The following PDZRN3 variants were observed in gnomAD, a reference collection of about 807,000 sequenced individuals.
PDZRN3 encodes PDZ domain containing ring finger 3.
Under a neutral mutation model 85.7 loss-of-function variants are expected in PDZRN3, and 38 were observed. That is an observed-to-expected ratio of 0.44 (90% confidence interval 0.34 to 0.58). PDZRN3 has a LOEUF of 0.58. Ranked by LOEUF, PDZRN3 falls within the 20% of genes least tolerant of loss-of-function variation. The pLI, the probability that PDZRN3 is intolerant of heterozygous loss-of-function variation, is 0.01. For missense variants in PDZRN3, 1,629 were observed against 1,506.4 expected (o/e 1.08, Z -1.35); for synonymous variants, 759 against 638.0 (o/e 1.19, Z -2.86).
intron 1 of PDZRN3, among the ~76,000 whole-genome samples, chr3:73,623,414 G>C (rs1208398353): frequency 6.6e-6 from 1 of 152,192 alleles, no homozygotes; most frequent in Non-Finnish European, 1.5e-5. Flanking sequence ...TGAAATCCCT[G>C]GATGAATACC....
chr3:73,403,556 G>C (rs1701795959), intron 4 of PDZRN3, among the ~76,000 whole-genome samples: 1 of 152,152 alleles, frequency 6.6e-6, no homozygotes, highest in Non-Finnish European at 1.5e-5. Flanking sequence ...TGAGCATCAG[G>C]TTTGTCTGAC....
intron 3 of PDZRN3, among the ~76,000 whole-genome samples, chr3:73,510,888 C>T (rs1273464494): frequency 6.6e-6 from 1 of 152,136 alleles, no homozygotes; most frequent in Non-Finnish European, 1.5e-5. Context: ...GTCTCTTTCT[C>T]AAAATACCTT....
In PDZRN3 at chr3:73,509,619, C is replaced by G. The variant is rs140879819; in HGVS notation, c.918+92735G>C. 3.8e-3 allele frequency among the ~76,000 whole-genome samples: 576 copies of G among 152,306 alleles called. 3 individuals are homozygous for G. The highest frequency in any genetic ancestry group is 0.034 in the Middle Eastern group (10 of 294). ...TTGGAGGGCAAGAAGTATCTCTCACCTGAGATCCTGCAGGAAAGTCACAGC... is the reference window on the plus strand; with the variant it reads ...TTGGAGGGCAAGAAGTATCTCTCACGTGAGATCCTGCAGGAAAGTCACAGC... On this transcript the variant is annotated intron_variant, in intron 3 of 9. Transcript: ENST00000263666.
chr3:73,449,382 G>A (rs772085432), intron 3 of PDZRN3, among the ~76,000 whole-genome samples: 7 of 151,880 alleles, frequency 4.6e-5, no homozygotes, highest in Non-Finnish European at 1.0e-4. Flanking sequence ...AAAAAAGAGA[G>A]AGAGGGAAAT....
chr3:73,476,392 A>G (rs1703449095), intron 3 of PDZRN3, among the ~76,000 whole-genome samples: 1 of 152,196 alleles, frequency 6.6e-6, no homozygotes, highest in Non-Finnish European at 1.5e-5. Flanking sequence ...TTCTATCACT[A>G]GACAGCACTA....
At chr3:73,396,910 G>A (rs1018015084) in intron 5 of PDZRN3, among the ~76,000 whole-genome samples, 4 of 152,160 alleles carry the variant, frequency 2.6e-5, no homozygotes, top group Non-Finnish European at 4.4e-5. Context: ...GGTACACTGG[G>A]TGTAATCCCT....
chr3:73,383,354 A>G lies in PDZRN3; in HGVS notation c.*11T>C, dbSNP rs373391957. 25 of 1,590,350 alleles carry G rather than the reference A, an allele frequency of 1.6e-5. No homozygotes were observed. The highest frequency in any genetic ancestry group is 1.0e-4 in the South Asian group (9 of 85,806). On this transcript the variant is annotated 3_prime_UTR_variant, in exon 10 of 10. Coordinates refer to ENST00000263666, the MANE Select transcript of PDZRN3 (RefSeq NM_015009.3). ...GTGGTCTCCTTTATGTACATAATGC[A>G]GAAGTGAAAATTATACAGTAGTCAC...
chr3:73,384,520 G>A lies in PDZRN3; in HGVS notation c.2046C>T (p.Asp682=), dbSNP rs756113835. 2 of 1,613,698 alleles carry A rather than the reference G, an allele frequency of 1.2e-6. No individual in the cohort carries two copies. The highest frequency in any genetic ancestry group is 2.2e-5 in the South Asian group (2 of 91,086). Residue 682 remains aspartate (D), a synonymous_variant, in exon 10 of 10, where the codon GAC becomes GAT. Coordinates refer to ENST00000263666, the MANE Select transcript of PDZRN3 (RefSeq NM_015009.3). ...CTTCGTTCAGCAGCTCCAGCTCCTT[G>A]TCCACGCTCTCAGGGTCACTCTTGC... ...DAGKSDPESV[D]KELELLNEEL... is the part of the protein sequence containing the mutation.
chr3:73,572,584 G>T (rs1042210339), intron 3 of PDZRN3, among the ~76,000 whole-genome samples: 3 of 152,156 alleles, frequency 2.0e-5, no homozygotes, highest in Non-Finnish European at 1.5e-5. Flanking sequence ...GGCTGTCAGG[G>T]TGCATATAAT....
chr3:73,619,214 G>C (rs986374774), intron 1 of PDZRN3, among the ~76,000 whole-genome samples: 1 of 152,146 alleles, frequency 6.6e-6, no homozygotes, highest in Non-Finnish European at 1.5e-5. Flanking sequence ...AACCTGAAAA[G>C]TTTTGATGAC....
intron 3 of PDZRN3, among the ~76,000 whole-genome samples, chr3:73,424,539 CT>C (rs1269849139): frequency 3.3e-5 from 2 of 60,194 alleles, no homozygotes; most frequent in East Asian, 6.0e-4. Context: ...GAGACTCCAT[CT>C]CAAAAAAAAA....
intron 3 of PDZRN3, among the ~76,000 whole-genome samples, chr3:73,528,139 C>T (rs1704568245): frequency 6.6e-6 from 1 of 152,150 alleles, no homozygotes; most frequent in Admixed American, 6.5e-5. Context: ...CTGGATGGCT[C>T]CTTATTACTG....
rs146156453 is a variant in PDZRN3 at position 73,469,777 on chromosome 3, CAA to C, written c.919-65384_919-65383del. 7.2e-3 allele frequency among the ~76,000 whole-genome samples: 1,103 copies of C among 152,180 alleles called. 11 individuals are homozygous for C. The highest frequency in any genetic ancestry group is 0.025 in the African/African-American group (1,040 of 41,524). ...TTTCTTTGCAGGATGGAAATTAAAA[CAA>C]AGTGCTATTTACATGGCACCCATTT... is the stretch of plus-strand genomic sequence containing the variant. On this transcript the variant is annotated intron_variant, in intron 3 of 9. Transcript: ENST00000263666.
intron 3 of PDZRN3, among the ~76,000 whole-genome samples, chr3:73,559,446 C>A (rs367866345): frequency 1.1e-4 from 17 of 152,016 alleles, no homozygotes; most frequent in African/African-American, 3.9e-4. Flanking sequence ...AGAATCCAAA[C>A]AAGAAAACCT....
chr3:73,521,001 A>G (rs1704351107), intron 3 of PDZRN3, among the ~76,000 whole-genome samples: 1 of 152,210 alleles, frequency 6.6e-6, no homozygotes, highest in Non-Finnish European at 1.5e-5. Flanking sequence ...TGTGTTGCAC[A>G]TGGCTTGGAA....
intron 3 of PDZRN3, among the ~76,000 whole-genome samples, chr3:73,431,944 T>G (rs1702439208): frequency 6.6e-6 from 1 of 152,200 alleles, no homozygotes; most frequent in Non-Finnish European, 1.5e-5. Context: ...AGAGATGTAG[T>G]AGAGTTACTT....
intron 3 of PDZRN3, among the ~76,000 whole-genome samples, chr3:73,503,831 T>C (rs1040704229): frequency 2.0e-5 from 3 of 152,186 alleles, no homozygotes; most frequent in South Asian, 2.1e-4. Context: ...TTATACAAAA[T>C]GTATACAAAG....
chr3:73,554,323 T>C (rs1376667915), intron 3 of PDZRN3, among the ~76,000 whole-genome samples: 1 of 150,370 alleles, frequency 6.7e-6, no homozygotes, highest in Non-Finnish European at 1.5e-5. Flanking sequence ...AGAAGGTATA[T>C]AAGAATATCT....
chr3:73,418,904 T>C (rs1702144022), intron 3 of PDZRN3, among the ~76,000 whole-genome samples: 1 of 152,166 alleles, frequency 6.6e-6, no homozygotes, highest in South Asian at 2.1e-4. Context: ...GAAATGACTC[T>C]GGGGACTTGG....
Sources: allele counts gnomAD v4.1 joint callset (sites outside exome capture counted in the v4.1 genomes callset), GRCh38; gene constraint gnomAD v4.1.1; transcripts MANE v1.5; gene names NCBI Gene and HGNC (gene_info 2026-07-23, HGNC 2026-07-21).